The following DLG2 variants were observed in gnomAD, a reference collection of about 807,000 sequenced individuals.
DLG2 encodes discs large MAGUK scaffold protein 2.
A neutral mutation model predicts 132.5 loss-of-function variants in DLG2; 45 were observed. The ratio of observed to expected loss-of-function variants is 0.34; its 90% CI spans 0.27 to 0.44. DLG2 has a LOEUF of 0.44. Ranked by LOEUF, DLG2 falls within the 20% of genes least tolerant of loss-of-function variation. DLG2 has a pLI of 1.00. For missense variants in DLG2, 1,045 were observed against 1,196.9 expected (o/e 0.87, Z 1.87); for synonymous variants, 424 against 419.6 (o/e 1.01, Z -0.13).
chr11:85,165,436 A>C (rs1473272440), intron 4 of DLG2, among the ~76,000 whole-genome samples: 1 of 152,198 alleles, frequency 6.6e-6, no homozygotes, highest in Admixed American at 6.5e-5. Flanking sequence ...CTAAAGAACA[A>C]GAGATTCACA....
At chr11:84,501,376 C>G (rs1394622579) in intron 7 of DLG2, among the ~76,000 whole-genome samples, 1 of 152,112 alleles carries the variant, frequency 6.6e-6, no homozygotes, top group African/African-American at 2.4e-5. Context: ...ACCAGCCTGG[C>G]CAACATGGCG....
At chr11:83,961,418 C>T (rs1250652412) in intron 14 of DLG2, among the ~76,000 whole-genome samples, 1 of 151,944 alleles carries the variant, frequency 6.6e-6, no homozygotes, top group Non-Finnish European at 1.5e-5. Flanking sequence ...AAAACGTTTT[C>T]TCTTAGCTAG....
rs140193579 is a variant in DLG2, at chr11:83,714,070, A to T, written c.1825+72620T>A. On this transcript the variant is annotated intron_variant, in intron 18 of 27. Transcript: ENST00000376104. Reference sequence around the variant, plus strand: ...CTACTAAGGGTCACATACATAAAACAACTTGATTCCAAAGCAACTGTTTTG... The same window carrying T: ...CTACTAAGGGTCACATACATAAAACTACTTGATTCCAAAGCAACTGTTTTG... Among the ~76,000 whole-genome samples the T allele has an allele frequency of 6.2e-3, 951 of 152,320 alleles. 14 individuals are homozygous for T. Among genetic ancestry groups the T allele is most frequent in the African/African-American group, 0.022 (914 of 41,580 alleles).
At chr11:83,474,006 G>A (rs140125488) in intron 22 of DLG2, among the ~76,000 whole-genome samples, 10 of 152,168 alleles carry the variant, frequency 6.6e-5, no homozygotes, top group Non-Finnish European at 1.3e-4. Flanking sequence ...TGTGAGAAAT[G>A]GCCTCAGGCT....
chr11:83,893,473 A>G (rs2070622680), intron 15 of DLG2, among the ~76,000 whole-genome samples: 1 of 152,170 alleles, frequency 6.6e-6, no homozygotes, highest in Non-Finnish European at 1.5e-5. Flanking sequence ...CTCTAAGGGC[A>G]TCTGCATTCA....
chr11:84,042,362 TC>T (rs1213014299), intron 11 of DLG2, among the ~76,000 whole-genome samples: 1 of 151,864 alleles, frequency 6.6e-6, no homozygotes, highest in Non-Finnish European at 1.5e-5. Flanking sequence ...TGGATCTCTC[TC>T]ATTATTGTTC....
chr11:84,704,638 A>C (rs1027898542), intron 6 of DLG2, among the ~76,000 whole-genome samples: 2 of 151,586 alleles, frequency 1.3e-5, no homozygotes, highest in Non-Finnish European at 3.0e-5. Flanking sequence ...GTAGGCTCAA[A>C]TTCACACCAA....
intron 6 of DLG2, among the ~76,000 whole-genome samples, chr11:84,828,522 A>G (rs1391196420): frequency 6.6e-6 from 1 of 151,820 alleles, no homozygotes; most frequent in Admixed American, 6.6e-5. Flanking sequence ...GAGCACTTAC[A>G]GAAGAATCAC....
intron 3 of DLG2, among the ~76,000 whole-genome samples, chr11:85,478,535 T>C (rs186308765): frequency 4.6e-5 from 7 of 152,364 alleles, no homozygotes; most frequent in Admixed American, 4.6e-4. Context: ...ATGTGAAATT[T>C]GTCAGAAAGA....
chr11:84,890,123 G>A (rs57714409), intron 6 of DLG2, among the ~76,000 whole-genome samples: 15,285 of 152,112 alleles, frequency 0.1, 1,040 homozygotes, highest in African/African-American at 0.19. Context: ...TTTTCTAGAT[G>A]GCAAAATGTT....
At chr11:85,023,441 G>C (rs2060248020) in intron 6 of DLG2, among the ~76,000 whole-genome samples, 1 of 151,972 alleles carries the variant, frequency 6.6e-6, no homozygotes, top group East Asian at 1.9e-4. Context: ...AGAAAAACAA[G>C]TCATTTTGGT....
intron 10 of DLG2, among the ~76,000 whole-genome samples, chr11:84,066,038 A>C (rs1253935934): frequency 6.6e-6 from 1 of 152,144 alleles, no homozygotes; most frequent in African/African-American, 2.4e-5. Flanking sequence ...GGACACAAAG[A>C]GGGGAACAAC....
At chr11:85,080,796 G>A (rs349060) in intron 6 of DLG2, among the ~76,000 whole-genome samples, 78,599 of 151,890 alleles carry the variant, frequency 0.52, 20,886 homozygotes, top group East Asian at 0.68. Flanking sequence ...AGCTGGAGGT[G>A]GTGTTTACTG....
At chr11:83,643,388 G>A (rs1334091812) in intron 18 of DLG2, among the ~76,000 whole-genome samples, 1 of 152,174 alleles carries the variant, frequency 6.6e-6, no homozygotes, top group Non-Finnish European at 1.5e-5. Flanking sequence ...GGCAGGTTGA[G>A]TGAAAGTGCC....
At chr11:83,511,919 C>A (rs1259168468) in intron 21 of DLG2, among the ~76,000 whole-genome samples, 1 of 151,942 alleles carries the variant, frequency 6.6e-6, no homozygotes, top group East Asian at 1.9e-4. Flanking sequence ...GTTGCTGAGT[C>A]TTATTTCCCT....
chr11:85,113,661 C>A (rs1423590355), intron 5 of DLG2, among the ~76,000 whole-genome samples: 1 of 151,950 alleles, frequency 6.6e-6, no homozygotes, highest in Non-Finnish European at 1.5e-5. Flanking sequence ...TTAGTGTTCC[C>A]ATTGATCTAC....
At chr11:85,080,852 T>C (rs1180109777) in intron 6 of DLG2, among the ~76,000 whole-genome samples, 5 of 152,120 alleles carry the variant, frequency 3.3e-5, no homozygotes, top group Non-Finnish European at 7.4e-5. Context: ...CTTGGGGTGA[T>C]TAATTTTTCT....
At chr11:85,466,399 G>C (rs1432196780) in intron 3 of DLG2, among the ~76,000 whole-genome samples, 1 of 152,132 alleles carries the variant, frequency 6.6e-6, no homozygotes. Flanking sequence ...CCTATGTCCT[G>C]AATGGTATTG....
At chr11:84,788,543 C>A (rs1343010723) in intron 6 of DLG2, among the ~76,000 whole-genome samples, 1 of 151,954 alleles carries the variant, frequency 6.6e-6, no homozygotes, top group Admixed American at 6.6e-5. Context: ...TCTTAGTATT[C>A]CAATGTATAA....
Sources: allele counts gnomAD v4.1 joint callset (sites outside exome capture counted in the v4.1 genomes callset), GRCh38; gene constraint gnomAD v4.1.1; transcripts MANE v1.5; gene names NCBI Gene and HGNC (gene_info 2026-07-23, HGNC 2026-07-21).